Variants in CENPP observed in about 807,000 individuals in gnomAD.
The protein encoded by CENPP is centromere protein P.
CENPP carries 24 observed loss-of-function variants against 35.6 expected under a neutral mutation model. The observed-to-expected ratio is 0.67, with a 90% CI of 0.49 to 0.95. The LOEUF (loss-of-function observed/expected upper bound fraction) is 0.95, where lower values mean the gene tolerates loss of function less well. CENPP is among the 40% of genes least tolerant of loss of function. CENPP has a pLI of 0.00. For synonymous variants in CENPP, 120 were observed against 125.5 expected (o/e 0.96, Z 0.29); for missense variants, 332 against 345.3 (o/e 0.96, Z 0.31).
chr9:92,460,335 A>T (rs768980330), intron 5 of CENPP: 2 of 547,606 alleles, frequency 3.7e-6, no homozygotes, highest in Non-Finnish European at 6.4e-6. Context: ...CACCCGGCCA[A>T]TTGTGGTTCT....
At chr9:92,547,107 C>A (rs868165524) in intron 5 of CENPP, among the ~76,000 whole-genome samples, 5 of 152,060 alleles carry the variant, frequency 3.3e-5, no homozygotes, top group South Asian at 2.1e-4. Context: ...CAAGAACTAG[C>A]GGCGTAAGTG....
chr9:92,557,794 C>A (rs2131337524), intron 5 of CENPP, among the ~76,000 whole-genome samples: 1 of 152,160 alleles, frequency 6.6e-6, no homozygotes, highest in East Asian at 1.9e-4. Flanking sequence ...AAGTATGCAC[C>A]ACCACGCCCG....
At chr9:92,369,122 G>A (rs72752417) in intron 4 of CENPP, among the ~76,000 whole-genome samples, 5,421 of 152,284 alleles carry the variant, frequency 0.036, 131 homozygotes, top group South Asian at 0.086. Context: ...GCTAACAGAT[G>A]AAGAGACAAT....
chr9:92,424,875 C>T (rs556129058), intron 5 of CENPP, among the ~76,000 whole-genome samples: 2 of 151,944 alleles, frequency 1.3e-5, no homozygotes, highest in South Asian at 2.1e-4. Context: ...GGGGTTTCAC[C>T]ATGTTGGCCA....
intron 5 of CENPP, among the ~76,000 whole-genome samples, chr9:92,413,482 C>T (rs1159679824): frequency 2.6e-5 from 4 of 152,072 alleles, no homozygotes; most frequent in Non-Finnish European, 5.9e-5. Context: ...CCTAATGGCT[C>T]ATAAATTTTA....
chr9:92,611,324 C>T lies in CENPP; in HGVS notation c.575C>T (p.Pro192Leu). ...CTTCTCCCCATGCAGGAAAAGTACC[C>T]AGATGCCGTGTACCTCTCGGAGGGG... The part of the protein sequence containing the change: ...RTFKHLKEKY[P>L]DAVYLSEGPS... The change falls in exon 6 of 8, where the codon CCA becomes CTA. Residue 192 changes from proline (P) to leucine (L), a missense_variant. Pro to Leu is a moderately conservative substitution (Grantham distance 98). Coordinates refer to ENST00000375587, the MANE Select transcript of CENPP (RefSeq NM_001012267.3). 2 of 1,613,730 alleles carry T rather than the reference C, an allele frequency of 1.2e-6. No individual in the cohort carries two copies.
intron 4 of CENPP, among the ~76,000 whole-genome samples, chr9:92,377,647 G>A (rs1842154470): frequency 6.6e-6 from 1 of 152,102 alleles, no homozygotes; most frequent in South Asian, 2.1e-4. Flanking sequence ...CTATGCAGTA[G>A]TTTTCAGTGT....
In CENPP at chr9:92,462,421, G is replaced by A. The variant is rs371246693; in HGVS notation, c.564+82562G>A. ...CCCCACTCTCCCCAAATGAACTGAA[G>A]CTGGAATGAAAGGGACTGACCAGAA... On this transcript the variant is annotated intron_variant, in intron 5 of 7. Coordinates refer to ENST00000375587, the MANE Select transcript of CENPP (RefSeq NM_001012267.3). 3.9e-5 allele frequency among the ~76,000 whole-genome samples: 6 copies of A among 152,280 alleles called. No individual in the cohort carries two copies. In the South Asian group the frequency reaches 1.2e-3, roughly 32 times the overall value.
At chr9:92,408,182 T>A (rs1306812218) in intron 5 of CENPP, among the ~76,000 whole-genome samples, 1 of 152,118 alleles carries the variant, frequency 6.6e-6, no homozygotes, top group East Asian at 1.9e-4. Flanking sequence ...TGAGTTCTAG[T>A]TTTTGTTTGT....
chr9:92,399,832 G>A (rs1843036256), intron 5 of CENPP, among the ~76,000 whole-genome samples: 1 of 151,884 alleles, frequency 6.6e-6, no homozygotes, highest in African/African-American at 2.4e-5. Context: ...TCTGTTTCTG[G>A]ATTTTCTATT....
intron 1 of CENPP, among the ~76,000 whole-genome samples, chr9:92,330,806 A>G (rs1440118028): frequency 1.3e-5 from 2 of 150,560 alleles, no homozygotes; most frequent in Non-Finnish European, 2.9e-5. Flanking sequence ...CTCCTGCCTC[A>G]GCCTCCTGGG....
intron 4 of CENPP, among the ~76,000 whole-genome samples, chr9:92,358,523 C>G (rs1348174792): frequency 6.6e-6 from 1 of 152,162 alleles, no homozygotes; most frequent in Non-Finnish European, 1.5e-5. Context: ...GGATTACAGG[C>G]ATGAGCCACC....
intron 5 of CENPP, among the ~76,000 whole-genome samples, chr9:92,399,637 AT>A (rs1843027884): frequency 6.6e-6 from 1 of 152,208 alleles, no homozygotes; most frequent in South Asian, 2.1e-4. Context: ...TACTTGTACG[AT>A]TTCATTTTAT....
chr9:92,420,031 A>G (rs1843737740), intron 5 of CENPP, among the ~76,000 whole-genome samples: 1 of 152,188 alleles, frequency 6.6e-6, no homozygotes, highest in South Asian at 2.1e-4. Flanking sequence ...GTAGTTATTC[A>G]GGTAGAGTCA....
intron 5 of CENPP, among the ~76,000 whole-genome samples, chr9:92,478,641 T>TG (rs1415962801): frequency 6.6e-6 from 1 of 152,028 alleles, no homozygotes; most frequent in African/African-American, 2.4e-5. Flanking sequence ...TTTGTAGAGA[T>TG]GGGGTTTCAC....
At chr9:92,404,500 G>A (rs1166236498) in intron 5 of CENPP, 10 of 1,289,904 alleles carry the variant, frequency 7.8e-6, no homozygotes, top group Non-Finnish European at 1.0e-5. Flanking sequence ...GCCTACCGTT[G>A]TAGCTGTTTT....
intron 5 of CENPP, among the ~76,000 whole-genome samples, chr9:92,413,174 A>G (rs1312926437): frequency 6.6e-6 from 1 of 151,524 alleles, no homozygotes; most frequent in Non-Finnish European, 1.5e-5. Flanking sequence ...TTTAGTAGAG[A>G]TGGGGTTTCT....
At chr9:92,473,797 G>A (rs531099058) in intron 5 of CENPP, among the ~76,000 whole-genome samples, 2 of 152,318 alleles carry the variant, frequency 1.3e-5, no homozygotes, top group East Asian at 3.9e-4. Flanking sequence ...GGTCTCTAGA[G>A]TAGATTATTG....
chr9:92,398,205 A>G (rs1353005698), intron 5 of CENPP, among the ~76,000 whole-genome samples: 3 of 152,176 alleles, frequency 2.0e-5, no homozygotes, highest in Non-Finnish European at 4.4e-5. Context: ...TGTGTTTAAC[A>G]GTTACTTAGA....
Sources: gnomAD v4.1 joint callset for allele counts (sites outside exome capture counted in the v4.1 genomes callset) on GRCh38, gnomAD v4.1.1 for gene constraint, MANE v1.5 for transcripts, NCBI Gene and HGNC (gene_info 2026-07-23, HGNC 2026-07-21) for gene names.